The following SVEP1 variants were observed in gnomAD, a reference collection of about 807,000 sequenced individuals.
SVEP1 encodes the protein sushi, von Willebrand factor type A, EGF and pentraxin domain-containing protein 1.
A neutral mutation model predicts 367.3 loss-of-function variants in SVEP1; 164 were observed. The ratio of observed to expected loss-of-function variants is 0.45; its 90% CI spans 0.39 to 0.51. The LOEUF is 0.51. Ranked by LOEUF, SVEP1 falls within the 20% of genes least tolerant of loss-of-function variation. The pLI is 0.00. For synonymous variants in SVEP1, 1,666 were observed against 1,611.6 expected (o/e 1.03, Z -0.81); for missense variants, 4,117 against 4,425.3 (o/e 0.93, Z 1.98).
At chr9:110,488,919 G>A (rs1409922992) in intron 9 of SVEP1, among the ~76,000 whole-genome samples, 3 of 152,056 alleles carry the variant, frequency 2.0e-5, no homozygotes, top group Non-Finnish European at 1.5e-5. Context: ...GAAAGATTAT[G>A]TAAAATTAGG....
intron 36 of SVEP1, among the ~76,000 whole-genome samples, chr9:110,413,434 T>A (rs1362507426): frequency 6.7e-6 from 1 of 149,034 alleles, no homozygotes; most frequent in Admixed American, 6.6e-5. Context: ...GAGATATACC[T>A]AATGCTAGAT....
In SVEP1 at chr9:110,579,215, A is replaced by G; in HGVS notation, c.329T>C (p.Leu110Pro). 1 of 1,570,882 alleles carries G rather than the reference A, an allele frequency of 6.4e-7. No homozygotes were observed. The highest frequency in any genetic ancestry group is 8.6e-7 in the Non-Finnish European group (1 of 1,158,816). Residue 110 changes from leucine (L) to proline (P), a missense_variant, in exon 1 of 48, where the codon CTG becomes CCG. By Grantham distance (98) the Leu-to-Pro change is moderately conservative. Coordinates refer to ENST00000374469, the MANE Select transcript of SVEP1 (RefSeq NM_153366.4). This position sits in a 1 kb window ranked among gnomAD's most constrained non-coding sequence, Gnocchi z 5.3. The stretch of plus-strand genomic sequence containing the variant: ...CGTGGGCACCACGGGGAAGTCGGAC[A>G]GCAGCTTGCGGACGAACATGAGCTC... ...RSELMFVRKL[L>P]SDFPVVPTAT...
chr9:110,403,465 C>T (rs536445017), intron 39 of SVEP1, among the ~76,000 whole-genome samples: 15 of 151,612 alleles, frequency 9.9e-5, no homozygotes, highest in East Asian at 3.9e-4. Flanking sequence ...CCACTATGCC[C>T]GGCTAATTTT....
chr9:110,530,846 A>G (rs1226091086), intron 3 of SVEP1, among the ~76,000 whole-genome samples: 1 of 152,136 alleles, frequency 6.6e-6, no homozygotes, highest in Non-Finnish European at 1.5e-5. Flanking sequence ...CTTTATTCAT[A>G]TATCAGGATC....
At chr9:110,528,152 G>GTATATATA (rs1366946066) in intron 3 of SVEP1, among the ~76,000 whole-genome samples, 326 of 21,920 alleles carry the variant, frequency 0.015, 1 homozygote, top group Middle Eastern at 0.031. Context: ...GTGTGTGTGT[G>GTATATATA]TGTGTATATA....
chr9:110,394,701 C>A (rs960866390), intron 40 of SVEP1, among the ~76,000 whole-genome samples: 1 of 152,060 alleles, frequency 6.6e-6, no homozygotes, highest in African/African-American at 2.4e-5. Flanking sequence ...ACTACGTGAC[C>A]AGTGCAGAAG....
intron 1 of SVEP1, among the ~76,000 whole-genome samples, chr9:110,571,892 T>C (rs1055088834): frequency 6.6e-6 from 1 of 152,244 alleles, no homozygotes; most frequent in Non-Finnish European, 1.5e-5. Context: ...GAAAACATGC[T>C]ATCTCCTGAT....
chr9:110,395,495 C>G (rs1347726847), intron 40 of SVEP1, among the ~76,000 whole-genome samples: 2 of 152,150 alleles, frequency 1.3e-5, no homozygotes, highest in Non-Finnish European at 2.9e-5. Context: ...CAAATTCACA[C>G]ATAACAATAT....
At position 110,407,432 on chromosome 9, in the gene SVEP1, G is replaced by A; in HGVS notation, c.8168C>T (p.Pro2723Leu). ...ISIECDLPTA[P>L]ENGFLRFTET... ...TGTAAAACGCAAAAAGCCATTTTCA[G>A]GAGCAGTAGGCAAGTCACATTCAAT... Residue 2723 changes from proline (P) to leucine (L), a missense_variant, in exon 38 of 48, where the codon CCT becomes CTT. Physicochemically the swap from Pro to Leu is moderately conservative, Grantham distance 98 (BLOSUM62 -3). Coordinates refer to ENST00000374469, the MANE Select transcript of SVEP1 (RefSeq NM_153366.4). The A allele has an allele frequency of 6.2e-7, 1 of 1,614,000 alleles. No homozygotes were observed. Among genetic ancestry groups the A allele is most frequent in the Non-Finnish European group, 8.5e-7 (1 of 1,179,900 alleles).
intron 39 of SVEP1, 136 bp downstream of exon 39, chr9:110,404,191 A>G: frequency 1.2e-6 from 1 of 819,632 alleles, no homozygotes; most frequent in Non-Finnish European, 1.9e-6. Flanking sequence ...TTCTACCAAG[A>G]AACTTTTCAA....
intron 1 of SVEP1, among the ~76,000 whole-genome samples, chr9:110,577,878 C>A (rs1426094395): frequency 1.3e-5 from 2 of 152,142 alleles, no homozygotes; most frequent in Admixed American, 1.3e-4. Context: ...CCTCAAAAAT[C>A]AAAAATGTGT....
rs115663440 is a variant in SVEP1, at chr9:110,498,480, C to T, written c.1681+561G>A. Among the ~76,000 whole-genome samples, 460 of 152,262 alleles carry T rather than the reference C, an allele frequency of 3.0e-3. 3 individuals are homozygous for T. Among genetic ancestry groups the T allele is most frequent in the African/African-American group, 0.011 (441 of 41,554 alleles). On this transcript the variant is annotated intron_variant, in intron 7 of 47. Coordinates refer to ENST00000374469, the MANE Select transcript of SVEP1 (RefSeq NM_153366.4). The stretch of plus-strand genomic sequence containing the variant: ...TTCTTTGTTTACTCATTCAGTTCTC[C>T]ATTGTGAGGAAACTCTCAGTTTGGT...
At chr9:110,443,337 C>T (rs1828541409) in intron 27 of SVEP1, 1 of 447,414 alleles carries the variant, frequency 2.2e-6, no homozygotes, top group African/African-American at 2.0e-5. Flanking sequence ...TCTTCAAAGG[C>T]ATTTCTCACA....
chr9:110,417,286 A>AG (rs1440220597), intron 36 of SVEP1, among the ~76,000 whole-genome samples: 1 of 138,870 alleles, frequency 7.2e-6, no homozygotes, highest in East Asian at 2.2e-4. Context: ...AAGCAGGGCG[A>AG]GGCATTGCCT....
At chr9:110,424,437 A>T (rs1828222631) in intron 36 of SVEP1, among the ~76,000 whole-genome samples, 1 of 152,192 alleles carries the variant, frequency 6.6e-6, no homozygotes, top group Non-Finnish European at 1.5e-5. Flanking sequence ...AAATATATAA[A>T]TTAATAGGAT....
chr9:110,466,687 G>C (rs928842714), intron 17 of SVEP1, among the ~76,000 whole-genome samples: 1 of 136,750 alleles, frequency 7.3e-6, no homozygotes, highest in Non-Finnish European at 1.5e-5. Flanking sequence ...CGTGAACCCG[G>C]GAGGCGGAGC....
intron 3 of SVEP1, among the ~76,000 whole-genome samples, chr9:110,524,021 AT>A (rs1475726983): frequency 1.3e-5 from 2 of 152,286 alleles, no homozygotes; most frequent in East Asian, 3.9e-4. Flanking sequence ...ACTATATACT[AT>A]GCACAGCTCT....
At chr9:110,414,971 T>C (rs969333619) in intron 36 of SVEP1, among the ~76,000 whole-genome samples, 1 of 152,096 alleles carries the variant, frequency 6.6e-6, no homozygotes, top group Non-Finnish European at 1.5e-5. Flanking sequence ...TAACCCTTTC[T>C]TCCCTCTGCG....
At chr9:110,438,299 G>A (rs1183728472) in intron 27 of SVEP1, among the ~76,000 whole-genome samples, 4 of 145,492 alleles carry the variant, frequency 2.7e-5, no homozygotes, top group Non-Finnish European at 4.5e-5. Context: ...TGATTCTCAC[G>A]CCTCAGCCTC....
Sources: gnomAD v4.1 joint callset for allele counts (sites outside exome capture counted in the v4.1 genomes callset) on GRCh38, gnomAD v4.1.1 for gene constraint, Gnocchi (gnomAD v3.1) non-coding constraint, MANE v1.5 for transcripts, NCBI Gene and HGNC (gene_info 2026-07-23, HGNC 2026-07-21) for gene names.